AXDND1: variants seen among roughly 807,000 people sequenced by gnomAD.
AXDND1 encodes the protein axonemal dynein light chain domain containing 1, also known as axonemal dynein light chain domain-containing protein 1.
AXDND1 carries 110 observed loss-of-function variants against 137.5 expected under a neutral mutation model. The observed-to-expected ratio is 0.80, with a 90% CI of 0.69 to 0.94. The LOEUF is 0.94. Ranked by LOEUF, AXDND1 falls within the 40% of genes least tolerant of loss-of-function variation. The probability of loss-of-function intolerance (pLI) is 0.00; values close to 1 mark genes in which losing one functional copy is unlikely to be tolerated. For synonymous variants in AXDND1, 414 were observed against 399.7 expected, an observed-to-expected ratio of 1.04 and a Z score of -0.43; for missense variants, 1,191 against 1,169.8, an observed-to-expected ratio of 1.02 and a Z score of -0.26.
chr1:179,541,666 A>T (rs12407916), intron 25 of AXDND1, among the ~76,000 whole-genome samples: 1 of 147,360 alleles, frequency 6.8e-6, no homozygotes, highest in Non-Finnish European at 1.5e-5. Context: ...TATGCATGAT[A>T]ATATGCATAA....
chr1:179,422,363 A>G (rs1248989603), intron 12 of AXDND1, among the ~76,000 whole-genome samples: 1 of 151,918 alleles, frequency 6.6e-6, no homozygotes, highest in Non-Finnish European at 1.5e-5. Context: ...ATGATTTTTC[A>G]TTTTGTTCTT....
intron 25 of AXDND1, chr1:179,545,039 AT>A (rs1672521965): frequency 1.3e-5 from 2 of 152,166 alleles, no homozygotes; most frequent in Non-Finnish European, 2.9e-5. Flanking sequence ...TTACTGTCTC[AT>A]TTGTCTGCTC....
chr1:179,369,913 A>T, intron 3 of AXDND1, 62 bp from the exon 4 acceptor site: 1 of 1,294,530 alleles, frequency 7.7e-7, no homozygotes, highest in Non-Finnish European at 1.1e-6. Context: ...AAAACTATTA[A>T]TACATTTTAT....
chr1:179,527,848 A>G (rs961679109), intron 22 of AXDND1, among the ~76,000 whole-genome samples: 2 of 152,132 alleles, frequency 1.3e-5, no homozygotes, highest in African/African-American at 2.4e-5. Context: ...AACTACTGCT[A>G]TTACTACTAC....
At position 179,523,184 on chromosome 1, in the gene AXDND1, T is replaced by G. The variant is rs1670229960; in HGVS notation, c.2497-2150T>G. Among the ~76,000 whole-genome samples the G allele has an allele frequency of 2.6e-5, 4 of 151,814 alleles. 1 individual carries two copies. The highest frequency in any genetic ancestry group is 2.6e-4 in the Admixed American group (4 of 15,238). ...CTAGCATTTTATTTTTTTCAGAGGT[T>G]TGAAAATCTATTATTGTTTTCCTTG... On this transcript the variant is annotated intron_variant, in intron 21 of 25. Transcript: ENST00000367618.
intron 16 of AXDND1, chr1:179,457,202 C>T: frequency 1.3e-6 from 1 of 755,606 alleles, no homozygotes; most frequent in Non-Finnish European, 2.4e-6. Context: ...ATCTCATTAC[C>T]ACACAGTCCA....
At chr1:179,402,667 TAAAAAC>T (rs1652286988) in intron 11 of AXDND1, among the ~76,000 whole-genome samples, 1 of 152,160 alleles carries the variant, frequency 6.6e-6, no homozygotes, top group African/African-American at 2.4e-5. Context: ...ACTCCCATCT[TAAAAAC>T]AAAAAACACA....
At chr1:179,523,708 T>C (rs1020740268) in intron 21 of AXDND1, among the ~76,000 whole-genome samples, 22 of 152,170 alleles carry the variant, frequency 1.4e-4, no homozygotes, top group Non-Finnish European at 2.9e-4. Context: ...CATCAGAACA[T>C]CATTCCTTTT....
chr1:179,474,714 C>T (rs954903470), intron 17 of AXDND1, among the ~76,000 whole-genome samples: 1 of 152,118 alleles, frequency 6.6e-6, no homozygotes, highest in Non-Finnish European at 1.5e-5. Flanking sequence ...AAATTTGCAG[C>T]CTGACCATGA....
At chr1:179,367,843 C>G (rs1410294117) in intron 2 of AXDND1, among the ~76,000 whole-genome samples, 2 of 152,178 alleles carry the variant, frequency 1.3e-5, no homozygotes, top group Non-Finnish European at 2.9e-5. Context: ...TAAATGAGAG[C>G]AATTCCTTAA....
intron 25 of AXDND1, among the ~76,000 whole-genome samples, chr1:179,541,773 T>C (rs1452446779): frequency 6.6e-6 from 1 of 152,018 alleles, no homozygotes. Context: ...ATACACAAAA[T>C]TAATATACAA....
At chr1:179,548,231 A>G (rs928016) in intron 25 of AXDND1, among the ~76,000 whole-genome samples, 138,102 of 152,216 alleles carry the variant, frequency 0.91, 62,804 homozygotes, top group East Asian at 0.96. Context: ...TTGCTACTGA[A>G]GTAAAACCAG....
chr1:179,439,891 T>C (rs1220143689), intron 15 of AXDND1, among the ~76,000 whole-genome samples: 1 of 152,070 alleles, frequency 6.6e-6, no homozygotes, highest in Non-Finnish European at 1.5e-5. Context: ...TTTCTCCATC[T>C]CCTGTAAAAA....
At chr1:179,378,571 C>A in intron 4 of AXDND1, 66 bp from the exon 5 acceptor site, 1 of 1,290,624 alleles carries the variant, frequency 7.7e-7, no homozygotes, top group Non-Finnish European at 1.0e-6. Flanking sequence ...GTGTGGATCT[C>A]ACCTGCTGTT....
At chr1:179,518,330 G>A (rs1299992987) in intron 21 of AXDND1, among the ~76,000 whole-genome samples, 1 of 150,996 alleles carries the variant, frequency 6.6e-6, no homozygotes, top group African/African-American at 2.4e-5. Flanking sequence ...GTCTATTAGT[G>A]GGTCATTACC....
chr1:179,465,125 A>G (rs1218838204), intron 16 of AXDND1, among the ~76,000 whole-genome samples: 1 of 152,140 alleles, frequency 6.6e-6, no homozygotes, highest in African/African-American at 2.4e-5. Flanking sequence ...CTCTCAACTC[A>G]TCAAAGTCAT....
chr1:179,465,121 A>G (rs1177672967), intron 16 of AXDND1, among the ~76,000 whole-genome samples: 1 of 152,018 alleles, frequency 6.6e-6, no homozygotes, highest in Non-Finnish European at 1.5e-5. Context: ...TCTTCTCTCA[A>G]CTCATCAAAG....
chr1:179,463,859 T>C (rs1662732282), intron 16 of AXDND1, among the ~76,000 whole-genome samples: 1 of 152,190 alleles, frequency 6.6e-6, no homozygotes, highest in African/African-American at 2.4e-5. Context: ...AATTGATCCC[T>C]TTACCATTAT....
intron 15 of AXDND1, among the ~76,000 whole-genome samples, chr1:179,436,203 G>A (rs1325557745): frequency 1.3e-5 from 2 of 152,216 alleles, no homozygotes; most frequent in African/African-American, 2.4e-5. Flanking sequence ...ATAGATGCTG[G>A]TGAGGCTGTG....
Sources: gnomAD v4.1 joint callset for allele counts (sites outside exome capture counted in the v4.1 genomes callset) on GRCh38, gnomAD v4.1.1 for gene constraint, MANE v1.5 for transcripts, NCBI Gene and HGNC (gene_info 2026-07-23, HGNC 2026-07-21) for gene names.